Variants in FRMD5 observed in about 807,000 individuals in gnomAD.
The protein encoded by FRMD5 is FERM domain-containing protein 5.
In FRMD5, 20 loss-of-function variants were observed where a neutral mutation model predicts 69.0. The ratio of observed to expected loss-of-function variants is 0.29; its 90% confidence interval spans 0.20 to 0.42. The LOEUF (loss-of-function observed/expected upper bound fraction) is 0.42. FRMD5 is among the 10% of genes least tolerant of loss of function. FRMD5 has a pLI of 1.00. For missense variants in FRMD5, 595 were observed against 708.6 expected (o/e 0.84, Z 1.82); for synonymous variants, 271 against 260.1 (o/e 1.04, Z -0.40).
chr15:43,950,538 G>C (rs1321638046), intron 1 of FRMD5, among the ~76,000 whole-genome samples: 1 of 152,100 alleles, frequency 6.6e-6, no homozygotes, highest in African/African-American at 2.4e-5. Context: ...CATTCCTGTG[G>C]GCAGGGATGC....
intron 1 of FRMD5, among the ~76,000 whole-genome samples, chr15:44,096,677 A>G (rs1322167166): frequency 6.6e-6 from 1 of 152,172 alleles, no homozygotes; most frequent in African/African-American, 2.4e-5. Context: ...TGCTGGGATT[A>G]CAGCACTTTG....
chr15:44,101,516 A>G (rs1334833751), intron 1 of FRMD5: 1 of 152,644 alleles, frequency 6.6e-6, no homozygotes, highest in Non-Finnish European at 1.5e-5. Context: ...CCTCTTACAG[A>G]TGATTCTGAA....
intron 1 of FRMD5, among the ~76,000 whole-genome samples, chr15:43,993,944 T>C (rs998364175): frequency 1.3e-5 from 2 of 152,230 alleles, no homozygotes; most frequent in African/African-American, 4.8e-5. Flanking sequence ...TTTGCCGTCC[T>C]TTTACTTTCA....
intron 1 of FRMD5, among the ~76,000 whole-genome samples, chr15:43,948,036 G>A (rs2089973771): frequency 6.6e-6 from 1 of 152,130 alleles, no homozygotes; most frequent in Non-Finnish European, 1.5e-5. Flanking sequence ...GTTAAGCACT[G>A]TGCATGTATT....
rs71421808 is a variant in FRMD5, at chr15:43,878,932, CTTTTTT to C, written c.1136-4476_1136-4471del. 4.4e-5 allele frequency among the ~76,000 whole-genome samples: 5 copies of C among 112,902 alleles called. No homozygotes were observed. In the South Asian group the frequency reaches 8.6e-4, roughly 20 times the overall value. 74.1% of individuals were successfully genotyped at this position (112,902 alleles called of 152,430 possible). A position where few individuals can be genotyped will look rare whatever the true frequency, so the allele number is the denominator to read the frequency against. ...AGGCATTTCTTTTTTTTTTTCTTTTCTTTTTTTTTTTTTTTTTTGAGATGGAATCTC... is the reference window on the plus strand; with the variant it reads ...AGGCATTTCTTTTTTTTTTTCTTTTCTTTTTTTTTTTTGAGATGGAATCTC... On this transcript the variant is annotated intron_variant, in intron 13 of 13. Transcript: ENST00000417257.
intron 1 of FRMD5, among the ~76,000 whole-genome samples, chr15:44,120,056 G>C (rs912122573): frequency 6.6e-6 from 1 of 152,168 alleles, no homozygotes; most frequent in African/African-American, 2.4e-5. Context: ...CTGGAGCATA[G>C]AACACCTGTC....
chr15:44,033,605 T>A (rs1891781429), intron 1 of FRMD5, among the ~76,000 whole-genome samples: 1 of 152,228 alleles, frequency 6.6e-6, no homozygotes, highest in African/African-American at 2.4e-5. Context: ...AAGATTTTTG[T>A]ACAGAGAATT....
intron 8 of FRMD5, among the ~76,000 whole-genome samples, chr15:43,891,718 C>T (rs1382595927): frequency 1.3e-5 from 2 of 152,208 alleles, no homozygotes; most frequent in Non-Finnish European, 2.9e-5. Context: ...GCTCCAGCCC[C>T]AGGCCTCTCA....
At position 44,007,171 on chromosome 15, in the gene FRMD5, AT is replaced by A. The variant is rs903740130; in HGVS notation, c.103-82863del. ...GCTGAAGGCTCAGGTAATTGTTACC[AT>A]TTTTTTTTTTAGCAACAAAGCATTT... On this transcript the variant is annotated intron_variant, in intron 1 of 13. Transcript: ENST00000417257. 3.0e-3 allele frequency among the ~76,000 whole-genome samples: 446 copies of A among 146,792 alleles called. 2 individuals are homozygous for A. The highest frequency in any genetic ancestry group is 5.7e-3 in the African/African-American group (229 of 40,290).
At chr15:44,094,316 G>A (rs1306434910) in intron 1 of FRMD5, among the ~76,000 whole-genome samples, 1 of 152,114 alleles carries the variant, frequency 6.6e-6, no homozygotes, top group Admixed American at 6.6e-5. Context: ...GTCCGGGCTG[G>A]CTTTCCATTT....
At chr15:43,940,963 AT>A (rs940428598) in intron 1 of FRMD5, among the ~76,000 whole-genome samples, 5 of 152,206 alleles carry the variant, frequency 3.3e-5, no homozygotes, top group Non-Finnish European at 5.9e-5. Context: ...CATTGCATTG[AT>A]TTCTTTTTAG....
intron 1 of FRMD5, among the ~76,000 whole-genome samples, chr15:44,185,523 G>A (rs1435973052): frequency 1.3e-5 from 2 of 152,118 alleles, no homozygotes; most frequent in African/African-American, 4.8e-5. Flanking sequence ...CAGGCATGGT[G>A]GCTCACACTT....
chr15:43,969,360 C>T (rs955241651), intron 1 of FRMD5, among the ~76,000 whole-genome samples: 12 of 152,150 alleles, frequency 7.9e-5, no homozygotes, highest in Non-Finnish European at 1.3e-4. Context: ...GCTGGGATTA[C>T]AGGCATGAGC....
Position 43,990,098 on chromosome 15 carries a change from C to T in FRMD5, c.103-65789G>A, listed in dbSNP as rs962386535. 16 of 666,902 alleles carry T rather than the reference C, an allele frequency of 2.4e-5. 1 individual carries two copies. The highest frequency in any genetic ancestry group is 2.4e-4 in the Admixed American group (13 of 54,212). 41.3% of individuals were successfully genotyped at this position (666,902 alleles called of 1,614,324 possible). On this transcript the variant is annotated intron_variant, in intron 1 of 13. Transcript: ENST00000417257. ...CGCCCCACAATGAAGGGGAAGATGG[C>T]CCGGGGTGGGCATCGTCACCTGCAA...
intron 1 of FRMD5, among the ~76,000 whole-genome samples, chr15:44,115,777 C>T (rs527451615): frequency 6.6e-6 from 1 of 152,290 alleles, no homozygotes; most frequent in African/African-American, 2.4e-5. Flanking sequence ...CAGAGGAAAT[C>T]TGAGTTCTAA....
At chr15:44,061,219 C>A (rs1182600969) in intron 1 of FRMD5, among the ~76,000 whole-genome samples, 2 of 152,168 alleles carry the variant, frequency 1.3e-5, no homozygotes, top group East Asian at 3.9e-4. Flanking sequence ...CTCTCACTTC[C>A]CACAACCTAG....
chr15:43,990,176 A>T, intron 1 of FRMD5: 1 of 542,148 alleles, frequency 1.8e-6, no homozygotes, highest in Middle Eastern at 5.5e-4. Context: ...TGGTGATATC[A>T]TCATCCATGG....
intron 1 of FRMD5, among the ~76,000 whole-genome samples, chr15:44,160,238 C>A (rs1427882331): frequency 6.6e-6 from 1 of 152,184 alleles, no homozygotes; most frequent in Admixed American, 6.5e-5. Flanking sequence ...CACCTGTAGT[C>A]CCAGCTACTC....
intron 1 of FRMD5, among the ~76,000 whole-genome samples, chr15:44,033,081 T>C (rs1891755871): frequency 6.6e-6 from 1 of 152,218 alleles, no homozygotes; most frequent in Non-Finnish European, 1.5e-5. Flanking sequence ...AGCTGGAGGC[T>C]ATTATTCTTA....
Sources: allele counts gnomAD v4.1 joint callset (sites outside exome capture counted in the v4.1 genomes callset), GRCh38; gene constraint gnomAD v4.1.1; transcripts MANE v1.5; gene names NCBI Gene and HGNC (gene_info 2026-07-23, HGNC 2026-07-21).